MGAT4C: variants seen among roughly 807,000 people sequenced by gnomAD.
The protein encoded by MGAT4C is alpha-1,3-mannosyl-glycoprotein 4-beta-N-acetylglucosaminyltransferase C.
MGAT4C carries 19 observed loss-of-function variants against 40.1 expected under a neutral mutation model. That is an observed-to-expected ratio of 0.47 (90% CI 0.33 to 0.70). The LOEUF is 0.70. MGAT4C is among the 30% of genes least tolerant of loss of function. The probability of loss-of-function intolerance (pLI) is 0.02; values close to 1 mark genes in which losing one functional copy is unlikely to be tolerated. For missense variants in MGAT4C, 491 were observed against 563.2 expected (o/e 0.87, Z 1.30); for synonymous variants, 181 against 187.1 (o/e 0.97, Z 0.27).
intron 2 of MGAT4C, among the ~76,000 whole-genome samples, chr12:86,543,502 A>G (rs894252366): frequency 6.6e-6 from 1 of 151,920 alleles, no homozygotes; most frequent in African/African-American, 2.4e-5. Flanking sequence ...GTTTTTTTAA[A>G]TAGAAGTGTT....
intron 2 of MGAT4C, among the ~76,000 whole-genome samples, chr12:86,440,931 T>G (rs956340944): frequency 6.6e-6 from 1 of 151,980 alleles, no homozygotes; most frequent in Non-Finnish European, 1.5e-5. Flanking sequence ...ACTCTACACC[T>G]AGAACTGCAA....
chr12:86,771,158 C>G (rs1951627678), intron 1 of MGAT4C, among the ~76,000 whole-genome samples: 1 of 152,074 alleles, frequency 6.6e-6, no homozygotes, highest in Non-Finnish European at 1.5e-5. Flanking sequence ...GGAACATATC[C>G]TTTCCTCATG....
chr12:86,108,232 A>G (rs1468163860), intron 1 of MGAT4C, among the ~76,000 whole-genome samples: 1 of 152,120 alleles, frequency 6.6e-6, no homozygotes, highest in African/African-American at 2.4e-5. Context: ...TTTGGCATTT[A>G]GACACAATGA....
chr12:86,228,804 C>G (rs1951201836), intron 1 of MGAT4C, among the ~76,000 whole-genome samples: 1 of 151,846 alleles, frequency 6.6e-6, no homozygotes, highest in South Asian at 2.1e-4. Context: ...TTAACTACAG[C>G]TAGGAGAATT....
chr12:86,304,650 C>G (rs2136143347), intron 4 of MGAT4C, among the ~76,000 whole-genome samples: 1 of 150,680 alleles, frequency 6.6e-6, no homozygotes, highest in South Asian at 2.1e-4. Flanking sequence ...CCCTATGTAC[C>G]TGTGAAGATG....
At chr12:86,298,976 A>G (rs1346044945) in intron 4 of MGAT4C, among the ~76,000 whole-genome samples, 1 of 152,270 alleles carries the variant, frequency 6.6e-6, no homozygotes, top group East Asian at 1.9e-4. Flanking sequence ...ATCATAACAC[A>G]TAGTACTATT....
At chr12:86,414,484 T>C (rs967423816) in intron 3 of MGAT4C, among the ~76,000 whole-genome samples, 5 of 152,156 alleles carry the variant, frequency 3.3e-5, no homozygotes, top group Non-Finnish European at 7.4e-5. Flanking sequence ...GCAGGGCACA[T>C]ATTGGTTACT....
chr12:86,387,724 C>G (rs1956080853), intron 3 of MGAT4C, among the ~76,000 whole-genome samples: 1 of 152,122 alleles, frequency 6.6e-6, no homozygotes, highest in South Asian at 2.1e-4. Context: ...AGTATGACTT[C>G]TGTAGCCCTA....
chr12:86,569,827 T>C (rs1960289248), intron 2 of MGAT4C, among the ~76,000 whole-genome samples: 1 of 152,106 alleles, frequency 6.6e-6, no homozygotes, highest in African/African-American at 2.4e-5. Flanking sequence ...AAAAACGTGG[T>C]GTAAACATAC....
chr12:86,774,319 C>CTT (rs371888109), intron 1 of MGAT4C, among the ~76,000 whole-genome samples: 1 of 93,620 alleles, frequency 1.1e-5, no homozygotes, highest in Non-Finnish European at 2.2e-5. Context: ...TTCTTTCTTT[C>CTT]TTTCTTTCTT....
chr12:86,430,860 G>C (rs1180755729), intron 3 of MGAT4C, among the ~76,000 whole-genome samples: 2 of 152,164 alleles, frequency 1.3e-5, no homozygotes, highest in Non-Finnish European at 1.5e-5. Flanking sequence ...GCTTATGTGT[G>C]GAGTGAAGAT....
At chr12:86,349,392 T>C (rs1955109873) in intron 3 of MGAT4C, among the ~76,000 whole-genome samples, 1 of 152,138 alleles carries the variant, frequency 6.6e-6, no homozygotes, top group Non-Finnish European at 1.5e-5. Context: ...TAGTAAACGT[T>C]GTATTGGTAT....
chr12:86,013,625 A>C (rs1366698306), intron 2 of MGAT4C: 1 of 491,326 alleles, frequency 2.0e-6, no homozygotes, highest in Non-Finnish European at 2.6e-6. Flanking sequence ...AGCTATATTC[A>C]CTTATAAATC....
At chr12:86,508,460 G>T (rs1322917308) in intron 2 of MGAT4C, among the ~76,000 whole-genome samples, 1 of 152,072 alleles carries the variant, frequency 6.6e-6, no homozygotes, top group Non-Finnish European at 1.5e-5. Flanking sequence ...GTCTATCATT[G>T]TTGGACATTT....
intron 3 of MGAT4C, among the ~76,000 whole-genome samples, chr12:86,415,567 T>C (rs1445245966): frequency 2.0e-5 from 3 of 151,998 alleles, no homozygotes; most frequent in Admixed American, 6.6e-5. Flanking sequence ...TATTTTTTCC[T>C]ATGCACAATG....
At chr12:86,507,061 T>C (rs1592931203) in intron 2 of MGAT4C, among the ~76,000 whole-genome samples, 1 of 152,282 alleles carries the variant, frequency 6.6e-6, no homozygotes, top group Non-Finnish European at 1.5e-5. Context: ...GTGGTCGACA[T>C]ACAATGTCTG....
At chr12:86,648,408 G>T (rs1360423403) in intron 2 of MGAT4C, among the ~76,000 whole-genome samples, 1 of 151,834 alleles carries the variant, frequency 6.6e-6, no homozygotes, top group Admixed American at 6.6e-5. Flanking sequence ...AATATTATTT[G>T]GTGATGGGGC....
chr12:86,730,966 GA>G, intron 1 of MGAT4C, among the ~76,000 whole-genome samples: 1 of 152,110 alleles, frequency 6.6e-6, no homozygotes. Flanking sequence ...CTCTAGAAAT[GA>G]AAAAACTGGT....
At chr12:86,679,260 C>T (rs555659578) in intron 2 of MGAT4C, among the ~76,000 whole-genome samples, 11 of 152,160 alleles carry the variant, frequency 7.2e-5, no homozygotes, top group African/African-American at 2.6e-4. Flanking sequence ...ATCCTTCACC[C>T]ACTTTTTGAT....
Sources: allele counts gnomAD v4.1 joint callset (sites outside exome capture counted in the v4.1 genomes callset), GRCh38; gene constraint gnomAD v4.1.1; transcripts MANE v1.5; gene names NCBI Gene and HGNC (gene_info 2026-07-23, HGNC 2026-07-21).